C4orf50: variants seen among roughly 807,000 people sequenced by gnomAD.
C4orf50 encodes chromosome 4 open reading frame 50.
Under a neutral mutation model 77.2 loss-of-function variants are expected in C4orf50, and 80 were observed. The ratio of observed to expected loss-of-function variants is 1.04; its 90% CI spans 0.87 to 1.25. The LOEUF is 1.25. Among genes scored for constraint, C4orf50 ranks in the 50% most tolerant of loss-of-function variants. The pLI is 0.00. For synonymous variants in C4orf50, 532 were observed against 465.3 expected (o/e 1.14, Z -1.84); for missense variants, 1,257 against 1,152.9 (o/e 1.09, Z -1.31).
At position 6,004,882 on chromosome 4, in the gene C4orf50, T is replaced by C. The variant is rs542250595; in HGVS notation, c.963+3114A>G. Among the ~76,000 whole-genome samples the C allele has an allele frequency of 8.9e-5, 13 of 145,680 alleles. No individual in the cohort carries two copies. The South Asian group carries it at 1.5e-3, about 17-fold the overall frequency. On this transcript the variant is annotated intron_variant, in intron 25 of 33. Coordinates refer to ENST00000531445, the Ensembl canonical transcript of C4orf50. Reference sequence around the variant, plus strand: ...TGATGATGCTGACAGTGAAAGAAGCTAGATTTGACTGATCACTCAAAATAT... The same window carrying C: ...TGATGATGCTGACAGTGAAAGAAGCCAGATTTGACTGATCACTCAAAATAT...
At chr4:5,964,676 G>A (rs1020900641) in intron 33 of C4orf50, among the ~76,000 whole-genome samples, 5 of 148,970 alleles carry the variant, frequency 3.4e-5, no homozygotes, top group African/African-American at 5.0e-5. Flanking sequence ...GCTGAGGCAG[G>A]AGAATCGCTT....
rs1044235032 is a variant in C4orf50, at chr4:5,916,845, G to A, written c.*2475-18657C>T. 5.3e-5 allele frequency among the ~76,000 whole-genome samples: 8 copies of A among 152,202 alleles called. No homozygotes were observed. Among genetic ancestry groups the A allele is most frequent in the African/African-American group, 1.9e-4 (8 of 41,452 alleles). On this transcript the variant is annotated intron_variant, in intron 7 of 7. Coordinates refer to the C4orf50 transcript ENST00000324058. This position sits in a 1 kb window ranked among gnomAD's most constrained non-coding sequence, Gnocchi z 4.4. Reference sequence around the variant, plus strand: ...TCTGCTTGAGGTGGGCACAAGCAGAGTCTGAGCTTGCCAGCAACAAAGCAC... The same window carrying A: ...TCTGCTTGAGGTGGGCACAAGCAGAATCTGAGCTTGCCAGCAACAAAGCAC...
chr4:5,960,099 A>C (rs6446412), intron 33 of C4orf50, among the ~76,000 whole-genome samples: 94,531 of 152,116 alleles, frequency 0.62, 29,967 homozygotes, highest in African/African-American at 0.66. Flanking sequence ...ACAAGCTATC[A>C]TCAGGCCCAC....
chr4:5,923,815 T>A (rs1717392346), intron 7 of C4orf50, among the ~76,000 whole-genome samples: 1 of 152,132 alleles, frequency 6.6e-6, no homozygotes, highest in Non-Finnish European at 1.5e-5. Context: ...TCTGTGAGGG[T>A]GTTGCCAAAG....
chr4:5,974,539 G>A (rs537873433), intron 30 of C4orf50, among the ~76,000 whole-genome samples: 13 of 152,146 alleles, frequency 8.5e-5, no homozygotes, highest in Middle Eastern at 3.2e-3. Context: ...GACGGCTGAC[G>A]ACACTGAGGC....
Position 5,988,382 on chromosome 4 carries a change from CCT to C in C4orf50, c.3662_3663del (p.Gln1221ArgfsTer22). 6.2e-7 allele frequency: 1 copy of C among 1,613,986 alleles called. No homozygotes were observed. Among genetic ancestry groups the C allele is most frequent in the Non-Finnish European group, 8.5e-7 (1 of 1,179,996 alleles). ...TTGCTCAGGGAGCTCAGAGCTTGCC[CCT>C]GAGCCACAGAACACCTGGGCCTCTT... On this transcript the variant is annotated frameshift_variant, in exon 28 of 34. Transcript: ENST00000531445. LOFTEE classifies it high-confidence loss of function.
At position 5,908,252 on chromosome 4, in the gene C4orf50, C is replaced by T. The variant is rs1307619747; in HGVS notation, c.*2475-10064G>A. 6.6e-6 allele frequency among the ~76,000 whole-genome samples: 1 copy of T among 152,102 alleles called. No individual in the cohort carries two copies. Among genetic ancestry groups the T allele is most frequent in the Non-Finnish European group, 1.5e-5 (1 of 68,030 alleles). Reference sequence around the variant, plus strand: ...TATAATGCCAGAACAGAAGGAAATGCTGGGTTACAAAGTAACAGTGTACTA... The same window carrying T: ...TATAATGCCAGAACAGAAGGAAATGTTGGGTTACAAAGTAACAGTGTACTA... On this transcript the variant is annotated intron_variant, in intron 7 of 7. Transcript: ENST00000324058. The surrounding 1 kb of genome is among the most constrained non-coding windows in gnomAD (Gnocchi z 5.6).
At chr4:5,997,724 C>CT (rs1721656056) in intron 25 of C4orf50, among the ~76,000 whole-genome samples, 1 of 152,164 alleles carries the variant, frequency 6.6e-6, no homozygotes, top group Non-Finnish European at 1.5e-5. Context: ...CCCTTCTGGG[C>CT]TTTTTTCTAT....
chr4:5,971,484 T>C lies in C4orf50; in HGVS notation c.4104+2175A>G, dbSNP rs1002352250. On this transcript the variant is annotated intron_variant, in intron 31 of 33. Transcript: ENST00000531445. The stretch of plus-strand genomic sequence containing the variant: ...CTGAATTTCTGAAACACATCACAAT[T>C]TTTTTTTTTCACTTTCAAAAGGCCT... Among the ~76,000 whole-genome samples, 4 of 137,114 alleles carry C rather than the reference T, an allele frequency of 2.9e-5. No homozygotes were observed. In the Admixed American group the frequency reaches 3.2e-4, roughly 11 times the overall value. The allele number at this position is 137,114 out of a possible 152,430, so 90.0% of individuals were successfully genotyped here. A position where few individuals can be genotyped will look rare whatever the true frequency, so the allele number is the denominator to read the frequency against.
exon 34 of C4orf50, chr4:5,959,307 C>G: frequency 6.6e-7 from 1 of 1,520,742 alleles, no homozygotes; most frequent in Middle Eastern, 1.8e-4. Context: ...TCTTAAAGCA[C>G]TCTCTGAAGG....
At chr4:5,998,449 G>A (rs139393510) in intron 25 of C4orf50, among the ~76,000 whole-genome samples, 1 of 152,202 alleles carries the variant, frequency 6.6e-6, no homozygotes, top group Non-Finnish European at 1.5e-5. Flanking sequence ...AAAGCAAGCA[G>A]TGAGCAAGGC....
chr4:5,962,931 G>A (rs1489575069), intron 33 of C4orf50, among the ~76,000 whole-genome samples: 1 of 151,886 alleles, frequency 6.6e-6, no homozygotes, highest in African/African-American at 2.4e-5. Flanking sequence ...ATGCCTCATG[G>A]ACACTCATCC....
At chr4:5,903,955 G>A (rs1716440406) in intron 7 of C4orf50, 2 of 152,178 alleles carry the variant, frequency 1.3e-5, no homozygotes, top group African/African-American at 4.8e-5. Context: ...GCTGTGGACT[G>A]GAAACTCTCT....
intron 23 of C4orf50, among the ~76,000 whole-genome samples, chr4:6,016,291 A>T (rs954600947): frequency 6.6e-6 from 1 of 152,132 alleles, no homozygotes; most frequent in Non-Finnish European, 1.5e-5. Flanking sequence ...GCTCACGTCT[A>T]TAATCCCAAC....
intron 7 of C4orf50, among the ~76,000 whole-genome samples, chr4:5,941,790 G>A (rs1718279002): frequency 6.6e-6 from 1 of 152,088 alleles, no homozygotes. Context: ...ACAGGGATTG[G>A]AACTAAGGTT....
At chr4:5,941,025 AG>A (rs1718237215) in intron 7 of C4orf50, among the ~76,000 whole-genome samples, 1 of 152,228 alleles carries the variant, frequency 6.6e-6, no homozygotes, top group Non-Finnish European at 1.5e-5. Context: ...CACCCTGCAG[AG>A]CCAATCTACA....
At chr4:5,995,831 G>A (rs142704182) in intron 25 of C4orf50, among the ~76,000 whole-genome samples, 2 of 152,252 alleles carry the variant, frequency 1.3e-5, no homozygotes, top group East Asian at 3.9e-4. Flanking sequence ...CTCCTGCTGT[G>A]TGCCAGGTGT....
At chr4:5,927,729 C>T (rs988446536) in intron 7 of C4orf50, among the ~76,000 whole-genome samples, 1 of 152,152 alleles carries the variant, frequency 6.6e-6, no homozygotes. Context: ...GAGGCCTCCC[C>T]AGCCATGCAG....
exon 34 of C4orf50, chr4:5,959,253 C>A: frequency 8.2e-7 from 1 of 1,224,796 alleles, no homozygotes; most frequent in Non-Finnish European, 1.1e-6. Context: ...AAGCCGAAGG[C>A]AAAACCACTT....
Sources: allele counts gnomAD v4.1 joint callset (sites outside exome capture counted in the v4.1 genomes callset), GRCh38; gene constraint gnomAD v4.1.1; non-coding constraint Gnocchi (gnomAD v3.1); transcripts MANE v1.5; gene names NCBI Gene and HGNC (gene_info 2026-07-23, HGNC 2026-07-21).